HECW2: variants seen among roughly 807,000 people sequenced by gnomAD.
HECW2 encodes E3 ubiquitin-protein ligase HECW2.
HECW2 carries 61 observed loss-of-function variants against 175.2 expected under a neutral mutation model. The observed-to-expected ratio is 0.35, with a 90% confidence interval of 0.28 to 0.43. HECW2 has a LOEUF of 0.43. Among genes scored for constraint, HECW2 ranks in the 20% least tolerant of loss-of-function variants. The pLI, the probability that HECW2 is intolerant of heterozygous loss-of-function variation, is 1.00. For synonymous variants in HECW2, 671 were observed against 731.0 expected, an observed-to-expected ratio of 0.92 and a Z score of 1.32; for missense variants, 1,524 against 2,000.5, an observed-to-expected ratio of 0.76 and a Z score of 4.54.
intron 1 of HECW2, among the ~76,000 whole-genome samples, chr2:196,479,544 T>C (rs974402966): frequency 3.9e-5 from 6 of 152,210 alleles, no homozygotes; most frequent in Non-Finnish European, 8.8e-5. Flanking sequence ...AGGCTGCCTC[T>C]AATTGTGAAT....
intron 1 of HECW2, among the ~76,000 whole-genome samples, chr2:196,482,714 T>C (rs987414954): frequency 1.1e-4 from 16 of 152,332 alleles, no homozygotes; most frequent in Non-Finnish European, 2.4e-4. Flanking sequence ...CAGAGCTCCA[T>C]GCTGCTGACG....
At chr2:196,574,718 A>C (rs2125519276) in intron 1 of HECW2, among the ~76,000 whole-genome samples, 1 of 152,314 alleles carries the variant, frequency 6.6e-6, no homozygotes, top group South Asian at 2.1e-4. Flanking sequence ...TAATAGCTAA[A>C]GCAATCTTGA....
chr2:196,521,470 T>C (rs1575630500), intron 1 of HECW2, among the ~76,000 whole-genome samples: 1 of 151,960 alleles, frequency 6.6e-6, no homozygotes, highest in East Asian at 1.9e-4. Context: ...TTTTATTTTA[T>C]TTTATTTCAT....
At chr2:196,403,729 G>A (rs1694882564) in intron 2 of HECW2, among the ~76,000 whole-genome samples, 1 of 152,180 alleles carries the variant, frequency 6.6e-6, no homozygotes, top group African/African-American at 2.4e-5. Flanking sequence ...TATAAGACCA[G>A]TCAGCCTAAG....
chr2:196,490,497 T>C (rs1687148739), intron 1 of HECW2, among the ~76,000 whole-genome samples: 1 of 152,014 alleles, frequency 6.6e-6, no homozygotes, highest in Non-Finnish European at 1.5e-5. Flanking sequence ...CTGGTGAAAA[T>C]GGTGGTGGAA....
chr2:196,569,788 T>C (rs1690320126), intron 1 of HECW2, among the ~76,000 whole-genome samples: 2 of 152,280 alleles, frequency 1.3e-5, no homozygotes, highest in African/African-American at 4.8e-5. Context: ...TAGGACTCAG[T>C]TTCTTCTGTG....
At chr2:196,481,964 AT>A (rs1178936824) in intron 1 of HECW2, among the ~76,000 whole-genome samples, 1 of 152,218 alleles carries the variant, frequency 6.6e-6, no homozygotes, top group Non-Finnish European at 1.5e-5. Flanking sequence ...CTTTTTCTGT[AT>A]GCCTTCTAAC....
intron 17 of HECW2, among the ~76,000 whole-genome samples, chr2:196,268,785 G>A (rs1231869198): frequency 3.3e-5 from 5 of 152,164 alleles, no homozygotes; most frequent in Non-Finnish European, 7.3e-5. Context: ...AGAAAATAGA[G>A]TTCCCTTTAT....
intron 1 of HECW2, among the ~76,000 whole-genome samples, chr2:196,468,668 G>A (rs150579473): frequency 1.3e-5 from 2 of 152,030 alleles, no homozygotes; most frequent in African/African-American, 2.4e-5. Flanking sequence ...TTCCCTGCTT[G>A]TTAATATTTC....
At chr2:196,288,259 C>T (rs1690469144) in intron 14 of HECW2, 1 of 152,168 alleles carries the variant, frequency 6.6e-6, no homozygotes, top group Admixed American at 6.5e-5. Flanking sequence ...GTTTCATGAT[C>T]ATGGCTGACG....
intron 1 of HECW2, among the ~76,000 whole-genome samples, chr2:196,572,609 T>C (rs569116881): frequency 2.6e-5 from 4 of 152,246 alleles, no homozygotes; most frequent in African/African-American, 9.6e-5. Context: ...TATGTTACAA[T>C]AGACTAAATG....
At chr2:196,496,329 A>G (rs1326713203) in intron 1 of HECW2, among the ~76,000 whole-genome samples, 1 of 152,070 alleles carries the variant, frequency 6.6e-6, no homozygotes, top group East Asian at 1.9e-4. Context: ...GATGTTTCTG[A>G]TAATATTTTC....
chr2:196,334,597 C>T (rs1301361245), intron 3 of HECW2, 79 bp from the exon 4 acceptor site: 1 of 1,128,528 alleles, frequency 8.9e-7, no homozygotes, highest in Non-Finnish European at 1.3e-6. Context: ...ATCCACCATA[C>T]CACCTCTCAG....
chr2:196,216,800 T>C (rs1311137705), intron 27 of HECW2, among the ~76,000 whole-genome samples: 2 of 152,090 alleles, frequency 1.3e-5, no homozygotes, highest in African/African-American at 4.8e-5. Context: ...CCCTAAACTC[T>C]CATGAAATGC....
At chr2:196,204,959 G>C (rs1483197019) in intron 28 of HECW2, among the ~76,000 whole-genome samples, 3 of 152,136 alleles carry the variant, frequency 2.0e-5, no homozygotes, top group Non-Finnish European at 4.4e-5. Flanking sequence ...AAATCCACAA[G>C]CCTAAATACT....
intron 13 of HECW2, among the ~76,000 whole-genome samples, chr2:196,295,677 C>G (rs56299630): frequency 0.025 from 3,742 of 152,228 alleles, 162 homozygotes; most frequent in African/African-American, 0.086. Context: ...TCTAGAGCAC[C>G]AGAAATGCTC....
chr2:196,276,099 A>G (rs1689945823), intron 15 of HECW2, among the ~76,000 whole-genome samples: 1 of 152,198 alleles, frequency 6.6e-6, no homozygotes, highest in South Asian at 2.1e-4. Flanking sequence ...GTATGTTGCC[A>G]TGTCTCATCA....
chr2:196,431,256 C>G (rs1695703857), intron 2 of HECW2, among the ~76,000 whole-genome samples: 1 of 152,152 alleles, frequency 6.6e-6, no homozygotes, highest in African/African-American at 2.4e-5. Context: ...TAAAATATAA[C>G]AACATCAAGA....
Position 196,324,971 on chromosome 2 carries a change from T to C in HECW2, c.741+9A>G, listed in dbSNP as rs1575416312. 3 of 1,554,598 alleles carry C rather than the reference T, an allele frequency of 1.9e-6. No individual in the cohort carries two copies. The highest frequency in any genetic ancestry group is 1.7e-6 in the Non-Finnish European group (2 of 1,154,632). On this transcript the variant is annotated intron_variant, in intron 6 of 28. Coordinates refer to ENST00000644978, the MANE Select transcript of HECW2 (RefSeq NM_001348768.2). ...CCATCAAGTAGGAGACCCCCGAGGA[T>C]CATCTTACCTCTCGGTGCCAAATTG...
Sources: allele counts gnomAD v4.1 joint callset (sites outside exome capture counted in the v4.1 genomes callset), GRCh38; gene constraint gnomAD v4.1.1; transcripts MANE v1.5; gene names NCBI Gene and HGNC (gene_info 2026-07-23, HGNC 2026-07-21).